The following JPH3 variants were observed in gnomAD, a reference collection of about 807,000 sequenced individuals.
JPH3 encodes junctophilin 3, also known as junctophilin-3.
In JPH3, 11 loss-of-function variants were observed where a neutral mutation model predicts 59.6. The ratio of observed to expected loss-of-function variants is 0.18; its 90% CI spans 0.12 to 0.31. JPH3 has a LOEUF of 0.31. Ranked by LOEUF, JPH3 falls within the 10% of genes least tolerant of loss-of-function variation. The probability of loss-of-function intolerance (pLI) is 1.00; values close to 1 mark genes in which losing one functional copy is unlikely to be tolerated. For missense variants in JPH3, 1,202 were observed against 1,105.7 expected, an observed-to-expected ratio of 1.09 and a Z score of -1.24; for synonymous variants, 673 against 483.6, an observed-to-expected ratio of 1.39 and a Z score of -5.14.
chr16:87,631,095 C>T (rs2031551655), intron 1 of JPH3, among the ~76,000 whole-genome samples: 2 of 152,172 alleles, frequency 1.3e-5, no homozygotes, highest in African/African-American at 4.8e-5. Context: ...CTCTCAAATG[C>T]AGCTTGCACT....
intron 1 of JPH3, among the ~76,000 whole-genome samples, chr16:87,628,620 G>A (rs1011144906): frequency 3.3e-5 from 5 of 152,156 alleles, no homozygotes; most frequent in Admixed American, 2.6e-4. Flanking sequence ...CTCATCACTC[G>A]GTGTTGGCAT....
chr16:87,632,683 A>G (rs1191757636), intron 1 of JPH3, among the ~76,000 whole-genome samples: 1 of 152,232 alleles, frequency 6.6e-6, no homozygotes, highest in Non-Finnish European at 1.5e-5. Flanking sequence ...ACTTGAGGTC[A>G]GGAATTCGAC....
intron 1 of JPH3, among the ~76,000 whole-genome samples, chr16:87,608,138 C>A (rs538796680): frequency 6.6e-6 from 1 of 152,220 alleles, no homozygotes. Context: ...GCAGCCCCAG[C>A]TGACACAGAG....
At chr16:87,690,781 C>CG (rs143199661) in intron 4 of JPH3, among the ~76,000 whole-genome samples, 4,586 of 152,298 alleles carry the variant, frequency 0.03, 105 homozygotes, top group Non-Finnish European at 0.042. Flanking sequence ...CACGAAACTC[C>CG]TGGTTTCCAG....
At chr16:87,658,547 C>G (rs142550289) in intron 2 of JPH3, among the ~76,000 whole-genome samples, 37 of 152,284 alleles carry the variant, frequency 2.4e-4, no homozygotes, top group Admixed American at 1.2e-3. Context: ...CCCCTTCTCT[C>G]TCTCTCCCCA....
At chr16:87,683,849 T>G (rs1317476607) in intron 2 of JPH3, 1 of 329,054 alleles carries the variant, frequency 3.0e-6, no homozygotes, top group East Asian at 6.5e-5. Context: ...CAAGCGATCT[T>G]CCTGCCTTGG....
chr16:87,681,382 G>A (rs1192504555), intron 2 of JPH3, among the ~76,000 whole-genome samples: 3 of 138,684 alleles, frequency 2.2e-5, no homozygotes, highest in Admixed American at 7.2e-5. Context: ...TGACAGTTCC[G>A]GGAGGTCAGG....
chr16:87,640,190 G>T (rs1173095886), intron 1 of JPH3, among the ~76,000 whole-genome samples: 1 of 151,896 alleles, frequency 6.6e-6, no homozygotes, highest in Non-Finnish European at 1.5e-5. Context: ...TTAGCTGGGT[G>T]TGGTGGTGCA....
chr16:87,615,167 C>T (rs574253656), intron 1 of JPH3, among the ~76,000 whole-genome samples: 4 of 152,370 alleles, frequency 2.6e-5, no homozygotes, highest in African/African-American at 9.6e-5. Flanking sequence ...GGGACCCATC[C>T]ACAGATCCCC....
At chr16:87,625,079 G>A (rs760736402) in intron 1 of JPH3, among the ~76,000 whole-genome samples, 21 of 152,214 alleles carry the variant, frequency 1.4e-4, no homozygotes, top group Non-Finnish European at 2.6e-4. Context: ...GATTACAGGC[G>A]TGAGCTGCCT....
chr16:87,634,854 G>C (rs571916702), intron 1 of JPH3, among the ~76,000 whole-genome samples: 11 of 152,344 alleles, frequency 7.2e-5, no homozygotes, highest in African/African-American at 2.6e-4. Context: ...GTGGGCTTCG[G>C]ATCAGCTCAG....
At chr16:87,629,547 G>T (rs1438012208) in intron 1 of JPH3, among the ~76,000 whole-genome samples, 1 of 152,148 alleles carries the variant, frequency 6.6e-6, no homozygotes, top group African/African-American at 2.4e-5. Context: ...ACGACGCGGA[G>T]CAGCCTTCAA....
Position 87,620,382 on chromosome 16 carries a change from G to A in JPH3, c.382+16854G>A, listed in dbSNP as rs577562968. Among the ~76,000 whole-genome samples the A allele has an allele frequency of 2.0e-5, 3 of 149,302 alleles. No individual in the cohort carries two copies. The South Asian group carries it at 6.5e-4, about 32-fold the overall frequency. On this transcript the variant is annotated intron_variant, in intron 1 of 4. Coordinates refer to ENST00000284262, the MANE Select transcript of JPH3 (RefSeq NM_020655.4). ...GGCCAGAGCGGGGACGGGGGGCAAA[G>A]GGAAGGAGCATTTGAGCCTGGATGG...
rs144712719 is a variant in JPH3, at chr16:87,631,422, A to G, written c.383-12836A>G. Among the ~76,000 whole-genome samples, 413 of 152,278 alleles carry G rather than the reference A, an allele frequency of 2.7e-3. 1 individual carries two copies. The highest frequency in any genetic ancestry group is 6.8e-3 in the Middle Eastern group (2 of 294). ...TGGGGCGGTGGGGGTGCAGTTTCCC[A>G]CTGACTTCTAGGTTCAGTGTTGCTC... On this transcript the variant is annotated intron_variant, in intron 1 of 4. Coordinates refer to ENST00000284262, the MANE Select transcript of JPH3 (RefSeq NM_020655.4).
intron 1 of JPH3, among the ~76,000 whole-genome samples, chr16:87,609,023 C>T (rs1432748031): frequency 1.3e-5 from 2 of 152,198 alleles, no homozygotes; most frequent in Non-Finnish European, 2.9e-5. Flanking sequence ...CTGACAGAGC[C>T]AGACCCCATC....
At chr16:87,658,437 T>A (rs1395978891) in intron 2 of JPH3, among the ~76,000 whole-genome samples, 1 of 151,696 alleles carries the variant, frequency 6.6e-6, no homozygotes, top group Non-Finnish European at 1.5e-5. Context: ...TCTATCTCCC[T>A]ATCTGCTTTG....
rs116860492 is a variant in JPH3, at chr16:87,614,007, C to T, written c.382+10479C>T. ...TGATGGAGCCAGCATTCCAGGGGCC[C>T]ACTTGCTTTACAGATGAGGAAACTG... On this transcript the variant is annotated intron_variant, in intron 1 of 4. Coordinates refer to ENST00000284262, the MANE Select transcript of JPH3 (RefSeq NM_020655.4). Among the ~76,000 whole-genome samples the T allele has an allele frequency of 2.7e-3, 407 of 152,244 alleles. 2 individuals carry two copies. The highest frequency in any genetic ancestry group is 4.4e-3 in the Non-Finnish European group (302 of 68,008).
intron 1 of JPH3, among the ~76,000 whole-genome samples, chr16:87,637,391 G>GGA (rs149512628): frequency 0.035 from 2,948 of 84,134 alleles, 43 homozygotes; most frequent in Non-Finnish European, 0.054. Flanking sequence ...ATGTTATGGG[G>GGA]GAGAGAGAGA....
rs1222931680 is a variant in JPH3 at position 87,677,215 on chromosome 16, CACACACACACAAAA to C, written c.1161-6925_1161-6912del. ...ACACACACACACACACACACACACA[CACACACACACAAAA>C]AAAAAAATTAGCCGGGTGTGGTGGG... On this transcript the variant is annotated intron_variant, in intron 2 of 4. Transcript: ENST00000284262. 4.0e-5 allele frequency among the ~76,000 whole-genome samples: 5 copies of C among 125,650 alleles called. 1 individual carries two copies. Among genetic ancestry groups the C allele is most frequent in the African/African-American group, 3.4e-5 (1 of 29,788 alleles). 82.4% of individuals were successfully genotyped at this position (125,650 alleles called of 152,430 possible).
Sources: gnomAD v4.1 joint callset for allele counts (sites outside exome capture counted in the v4.1 genomes callset) on GRCh38, gnomAD v4.1.1 for gene constraint, MANE v1.5 for transcripts, NCBI Gene and HGNC (gene_info 2026-07-23, HGNC 2026-07-21) for gene names.